Variants in CHRNA7 observed in about 807,000 individuals in gnomAD.
The protein encoded by CHRNA7 is cholinergic receptor nicotinic alpha 7 subunit.
Under a neutral mutation model 48.0 loss-of-function variants are expected in CHRNA7, and 17 were observed. The ratio of observed to expected loss-of-function variants is 0.35; its 90% CI spans 0.24 to 0.53. The LOEUF (loss-of-function observed/expected upper bound fraction) is 0.53. Ranked by LOEUF, CHRNA7 falls within the 20% of genes least tolerant of loss-of-function variation. The probability of loss-of-function intolerance (pLI) is 0.92; values close to 1 mark genes in which losing one functional copy is unlikely to be tolerated. For missense variants in CHRNA7, 155 were observed against 577.7 expected (o/e 0.27, Z 7.50); for synonymous variants, 75 against 242.3 (o/e 0.31, Z 6.41).
At chr15:32,031,821 A>G (rs1352720285) in intron 2 of CHRNA7, among the ~76,000 whole-genome samples, 1 of 152,226 alleles carries the variant, frequency 6.6e-6, no homozygotes, top group Non-Finnish European at 1.5e-5. Context: ...ACTTCACACA[A>G]GTGTTTAATT....
chr15:32,038,345 GA>G (rs2049388524), intron 2 of CHRNA7, among the ~76,000 whole-genome samples: 1 of 151,770 alleles, frequency 6.6e-6, no homozygotes, highest in Non-Finnish European at 1.5e-5. Flanking sequence ...TTTTTGTGAT[GA>G]ATAGGAGTTG....
intron 2 of CHRNA7, among the ~76,000 whole-genome samples, chr15:32,064,327 CT>C (rs1219437553): frequency 6.6e-6 from 1 of 151,944 alleles, no homozygotes; most frequent in Non-Finnish European, 1.5e-5. Context: ...GATCCTTCTA[CT>C]TCTTGCTTTT....
At chr15:32,102,572 G>C (rs956193928) in intron 3 of CHRNA7, 4 of 151,728 alleles carry the variant, frequency 2.6e-5, no homozygotes, top group African/African-American at 9.7e-5. Context: ...ATTGTTATTG[G>C]TATTATAATT....
intron 4 of CHRNA7, among the ~76,000 whole-genome samples, chr15:32,124,619 A>C (rs545447542): frequency 1.3e-5 from 2 of 152,332 alleles, no homozygotes; most frequent in East Asian, 3.9e-4. Flanking sequence ...ACTGGCAAAC[A>C]AAGCTGACTG....
intron 2 of CHRNA7, among the ~76,000 whole-genome samples, chr15:32,057,082 C>T (rs2049799974): frequency 6.6e-6 from 1 of 152,198 alleles, no homozygotes; most frequent in African/African-American, 2.4e-5. Flanking sequence ...GATGAATTGG[C>T]TGCCTGTGAT....
chr15:32,046,510 G>C, intron 2 of CHRNA7, among the ~76,000 whole-genome samples: 1 of 136,842 alleles, frequency 7.3e-6, no homozygotes, highest in South Asian at 2.3e-4. Context: ...ACTTTTTGAT[G>C]GGGTTGTTTG....
At chr15:32,111,950 A>G in intron 4 of CHRNA7, 51 bp downstream of exon 4, 1 of 1,021,026 alleles carries the variant, frequency 9.8e-7, no homozygotes, top group Non-Finnish European at 1.6e-6. Flanking sequence ...GCATACATGT[A>G]GCTATCACGT....
In CHRNA7 at chr15:32,136,798, G is replaced by A. The variant is rs577943395; in HGVS notation, c.351-17109G>A. Among the ~76,000 whole-genome samples, 43 of 152,002 alleles carry A rather than the reference G, an allele frequency of 2.8e-4. No homozygotes were observed. In the Middle Eastern group the frequency reaches 0.01, roughly 36 times the overall value. On this transcript the variant is annotated intron_variant, in intron 4 of 9. Transcript: ENST00000306901. ...TGTAATCCCGGCACTGTGGGAGGCC[G>A]GGGCGGGCGGATCACGAGGTCAGGA...
At chr15:32,067,303 A>T (rs988038277) in intron 2 of CHRNA7, among the ~76,000 whole-genome samples, 6 of 152,256 alleles carry the variant, frequency 3.9e-5, no homozygotes, top group African/African-American at 1.4e-4. Context: ...CATGCAAAGT[A>T]GCCTTAATCA....
chr15:32,127,283 C>T (rs1196905921), intron 4 of CHRNA7, among the ~76,000 whole-genome samples: 1 of 152,068 alleles, frequency 6.6e-6, no homozygotes, highest in East Asian at 1.9e-4. Flanking sequence ...CATCCATGTC[C>T]ATGTTTGTTT....
At chr15:32,124,685 G>A (rs1208700080) in intron 4 of CHRNA7, among the ~76,000 whole-genome samples, 1 of 101,110 alleles carries the variant, frequency 9.9e-6, no homozygotes, top group Non-Finnish European at 2.0e-5. Context: ...GATGAGAAAT[G>A]TTAGGGACTG....
At chr15:32,167,436 G>C (rs286097) in intron 9 of CHRNA7, 13,889 of 65,894 alleles carry the variant, frequency 0.21, 1,726 homozygotes, top group Non-Finnish European at 0.27. Context: ...GAAGCCTGAA[G>C]TGCTTCAAGC....
intron 2 of CHRNA7, among the ~76,000 whole-genome samples, chr15:32,079,619 C>G (rs979047579): frequency 6.6e-6 from 1 of 152,138 alleles, no homozygotes; most frequent in Non-Finnish European, 1.5e-5. Flanking sequence ...AGGAGAACTA[C>G]AAACCACTGC....
chr15:32,123,714 A>G (rs918103065), intron 4 of CHRNA7, among the ~76,000 whole-genome samples: 1 of 152,144 alleles, frequency 6.6e-6, no homozygotes, highest in Non-Finnish European at 1.5e-5. Context: ...TTGCTCCCCT[A>G]GAAACCGATT....
At chr15:32,113,213 T>C (rs2050792448) in intron 4 of CHRNA7, among the ~76,000 whole-genome samples, 1 of 152,196 alleles carries the variant, frequency 6.6e-6, no homozygotes, top group South Asian at 2.1e-4. Flanking sequence ...TCTCCTTGGC[T>C]GGTAGATGGC....
chr15:32,068,702 G>T (rs2050004942), intron 2 of CHRNA7, among the ~76,000 whole-genome samples: 1 of 151,734 alleles, frequency 6.6e-6, no homozygotes, highest in South Asian at 2.1e-4. Context: ...CAGCCTGGGT[G>T]GCAGAGCAAG....
intron 2 of CHRNA7, among the ~76,000 whole-genome samples, chr15:32,068,400 T>G (rs1298298727): frequency 1.3e-5 from 2 of 152,152 alleles, no homozygotes; most frequent in African/African-American, 4.8e-5. Flanking sequence ...ATACAGAGAT[T>G]GACAGAATAA....
At chr15:32,055,137 CTA>C (rs1171943400) in intron 2 of CHRNA7, among the ~76,000 whole-genome samples, 1 of 152,034 alleles carries the variant, frequency 6.6e-6, no homozygotes, top group Non-Finnish European at 1.5e-5. Context: ...CTGATTACAG[CTA>C]AGGTTGAGGA....
intron 1 of CHRNA7, 47 bp downstream of exon 1, chr15:32,030,696 G>C: frequency 2.6e-6 from 4 of 1,548,662 alleles, no homozygotes; most frequent in South Asian, 1.2e-5. Flanking sequence ...GGGATCCCGG[G>C]CACATCCCGG....
Sources: allele counts gnomAD v4.1 joint callset (sites outside exome capture counted in the v4.1 genomes callset), GRCh38; gene constraint gnomAD v4.1.1; transcripts MANE v1.5; gene names NCBI Gene and HGNC (gene_info 2026-07-23, HGNC 2026-07-21).